CNTN5: variants seen among roughly 807,000 people sequenced by gnomAD.
CNTN5 encodes the protein contactin 5.
A neutral mutation model predicts 129.1 loss-of-function variants in CNTN5; 77 were observed. That is an observed-to-expected ratio of 0.60 (90% CI 0.50 to 0.72). The LOEUF (loss-of-function observed/expected upper bound fraction) is 0.72. CNTN5 is among the 30% of genes least tolerant of loss of function. CNTN5 has a pLI of 0.00. For synonymous variants in CNTN5, 509 were observed against 465.6 expected, an observed-to-expected ratio of 1.09 and a Z score of -1.20; for missense variants, 1,478 against 1,328.8, an observed-to-expected ratio of 1.11 and a Z score of -1.75.
chr11:100,345,914 A>T (rs994351075), intron 23 of CNTN5, among the ~76,000 whole-genome samples: 2 of 152,188 alleles, frequency 1.3e-5, no homozygotes, highest in Non-Finnish European at 2.9e-5. Flanking sequence ...ATTGTCTGTT[A>T]TACCAAATAA....
chr11:99,534,828 A>G (rs1947842764), intron 2 of CNTN5, among the ~76,000 whole-genome samples: 1 of 152,036 alleles, frequency 6.6e-6, no homozygotes, highest in South Asian at 2.1e-4. Flanking sequence ...GGTCAGGGAG[A>G]ACTTTTGTCT....
At chr11:100,269,867 G>A (rs912634294) in intron 17 of CNTN5, among the ~76,000 whole-genome samples, 2 of 152,104 alleles carry the variant, frequency 1.3e-5, no homozygotes, top group African/African-American at 4.8e-5. Context: ...AAGTGTTGGT[G>A]ATACAGTGTA....
chr11:99,285,944 A>G (rs530034066), intron 1 of CNTN5, among the ~76,000 whole-genome samples: 1 of 148,004 alleles, frequency 6.8e-6, no homozygotes, highest in East Asian at 2.1e-4. Context: ...AGGCTGAGAC[A>G]GGAGAATCCC....
chr11:100,151,326 T>C (rs1947046344), intron 13 of CNTN5, among the ~76,000 whole-genome samples: 1 of 152,138 alleles, frequency 6.6e-6, no homozygotes, highest in Non-Finnish European at 1.5e-5. Flanking sequence ...GGCATTGTCC[T>C]AGGTACTGGG....
intron 1 of CNTN5, among the ~76,000 whole-genome samples, chr11:99,174,198 C>G (rs1018566317): frequency 6.6e-6 from 1 of 152,080 alleles, no homozygotes; most frequent in African/African-American, 2.4e-5. Context: ...GGGGTTTCAC[C>G]ATGTTGGCCA....
chr11:99,599,913 G>A (rs375525949), intron 3 of CNTN5, among the ~76,000 whole-genome samples: 16 of 152,150 alleles, frequency 1.1e-4, no homozygotes, highest in South Asian at 1.0e-3. Context: ...AAAGCTATAG[G>A]AATGTGGAGA....
At chr11:99,071,819 T>C (rs909830042) in intron 1 of CNTN5, among the ~76,000 whole-genome samples, 1 of 151,978 alleles carries the variant, frequency 6.6e-6, no homozygotes, top group African/African-American at 2.4e-5. Flanking sequence ...ACAAATTCCA[T>C]GAAAAACACA....
At chr11:100,018,942 A>G (rs192411128) in intron 9 of CNTN5, among the ~76,000 whole-genome samples, 662 of 152,058 alleles carry the variant, frequency 4.4e-3, no homozygotes, top group Admixed American at 6.4e-3. Context: ...CTTATTTGAT[A>G]ACTGCATATT....
chr11:100,183,873 C>G (rs774089875), intron 13 of CNTN5, among the ~76,000 whole-genome samples: 6 of 152,152 alleles, frequency 3.9e-5, no homozygotes, highest in Non-Finnish European at 8.8e-5. Flanking sequence ...TCTACAGGGT[C>G]TCCCCCTCGC....
intron 3 of CNTN5, among the ~76,000 whole-genome samples, chr11:99,803,407 G>A (rs1337873006): frequency 1.3e-5 from 2 of 152,146 alleles, no homozygotes; most frequent in African/African-American, 2.4e-5. Context: ...TCTGACTGGA[G>A]GTCCTTACCC....
chr11:99,322,648 A>G (rs1045544557), intron 1 of CNTN5, among the ~76,000 whole-genome samples: 1 of 152,172 alleles, frequency 6.6e-6, no homozygotes, highest in African/African-American at 2.4e-5. Flanking sequence ...TTAAGAATAG[A>G]AAATTACAGG....
intron 3 of CNTN5, among the ~76,000 whole-genome samples, chr11:99,805,593 A>C (rs929701259): frequency 6.6e-6 from 1 of 152,178 alleles, no homozygotes; most frequent in Non-Finnish European, 1.5e-5. Flanking sequence ...CTCCAGGGGA[A>C]GTAGTGTGCT....
intron 1 of CNTN5, among the ~76,000 whole-genome samples, chr11:99,088,303 G>A (rs1490520627): frequency 6.6e-6 from 1 of 152,110 alleles, no homozygotes; most frequent in Non-Finnish European, 1.5e-5. Flanking sequence ...AGCAATCATT[G>A]CAATTACAGA....
chr11:99,193,242 A>G (rs972193769), intron 1 of CNTN5, among the ~76,000 whole-genome samples: 2 of 151,808 alleles, frequency 1.3e-5, no homozygotes, highest in Non-Finnish European at 2.9e-5. Context: ...ATAATATACA[A>G]TTGTTAATAC....
chr11:99,502,833 G>A (rs977589671), intron 2 of CNTN5, among the ~76,000 whole-genome samples: 11 of 151,982 alleles, frequency 7.2e-5, no homozygotes, highest in African/African-American at 2.7e-4. Context: ...TTTGCCAAAG[G>A]CACTTCAAAC....
chr11:99,724,690 T>G (rs1229621126), intron 3 of CNTN5, among the ~76,000 whole-genome samples: 2 of 152,108 alleles, frequency 1.3e-5, no homozygotes, highest in African/African-American at 4.8e-5. Context: ...ATACTACCTT[T>G]TAGTTATCGG....
intron 9 of CNTN5, among the ~76,000 whole-genome samples, chr11:100,021,741 C>G (rs1941162728): frequency 6.6e-6 from 1 of 152,130 alleles, no homozygotes; most frequent in Admixed American, 6.6e-5. Context: ...AGTAGGCCAT[C>G]TGCAAGTTGA....
At chr11:99,868,188 C>A (rs1273614151) in intron 6 of CNTN5, among the ~76,000 whole-genome samples, 1 of 151,482 alleles carries the variant, frequency 6.6e-6, no homozygotes, top group African/African-American at 2.4e-5. Flanking sequence ...TGCACTCCAG[C>A]CTGGGCAACA....
chr11:99,743,353 G>A (rs1203511988), intron 3 of CNTN5, among the ~76,000 whole-genome samples: 1 of 152,034 alleles, frequency 6.6e-6, no homozygotes, highest in African/African-American at 2.4e-5. Flanking sequence ...CAGATATTAG[G>A]AAGCATAATT....
Sources: allele counts gnomAD v4.1 joint callset (sites outside exome capture counted in the v4.1 genomes callset), GRCh38; gene constraint gnomAD v4.1.1; transcripts MANE v1.5; gene names NCBI Gene and HGNC (gene_info 2026-07-23, HGNC 2026-07-21).